Variants in XYLB observed in about 807,000 individuals in gnomAD.
The protein encoded by XYLB is xylulokinase.
XYLB carries 62 observed loss-of-function variants against 78.7 expected under a neutral mutation model. The observed-to-expected ratio is 0.79, with a 90% CI of 0.64 to 0.97. XYLB has a LOEUF of 0.97. XYLB is among the 50% of genes least tolerant of loss of function. The pLI, the probability that XYLB is intolerant of heterozygous loss-of-function variation, is 0.00. For synonymous variants in XYLB, 245 were observed against 247.4 expected (o/e 0.99, Z 0.09); for missense variants, 687 against 676.8 (o/e 1.02, Z -0.17).
At chr3:38,395,655 C>A (rs1250848340) in intron 16 of XYLB, 92 bp downstream of exon 16, 4 of 1,353,096 alleles carry the variant, frequency 3.0e-6, no homozygotes, top group Non-Finnish European at 4.2e-6. Flanking sequence ...AGCCTCCATT[C>A]CCACTCCTGC....
At chr3:38,352,941 C>T (rs886079443) in intron 2 of XYLB, among the ~76,000 whole-genome samples, 8 of 152,324 alleles carry the variant, frequency 5.3e-5, no homozygotes, top group African/African-American at 1.9e-4. Context: ...CCATGTTAGC[C>T]AGGATGGTCT....
chr3:38,378,585 G>A (rs1258932837), intron 14 of XYLB, among the ~76,000 whole-genome samples: 1 of 152,124 alleles, frequency 6.6e-6, no homozygotes, highest in Non-Finnish European at 1.5e-5. Flanking sequence ...AAGTACTCAG[G>A]ATCTCACCAT....
At chr3:38,421,070 CA>C (rs1344366107), downstream of XYLB, 16 of 152,232 alleles carry the variant, frequency 1.1e-4, no homozygotes, top group Admixed American at 6.5e-4. Context: ...AGCTAATCTA[CA>C]ATCTATAGAA....
At chr3:38,405,665 C>A (rs867880162) in intron 18 of XYLB, among the ~76,000 whole-genome samples, 1 of 152,242 alleles carries the variant, frequency 6.6e-6, no homozygotes, top group Non-Finnish European at 1.5e-5. Flanking sequence ...CCTGGAAAAT[C>A]GGGTCACTCT....
intron 18 of XYLB, 120 bp downstream of exon 18, chr3:38,401,105 G>C: frequency 1.2e-6 from 1 of 838,238 alleles, no homozygotes; most frequent in Non-Finnish European, 1.9e-6. Flanking sequence ...GAGAAATTCT[G>C]CTTTATTGAA....
At chr3:38,405,488 T>C (rs1399251852) in intron 18 of XYLB, among the ~76,000 whole-genome samples, 1 of 152,048 alleles carries the variant, frequency 6.6e-6, no homozygotes, top group African/African-American at 2.4e-5. Context: ...ATTTTCCATC[T>C]GAGGTACTGG....
Position 38,420,638 on chromosome 3 carries a change from C to A in XYLB, c.*581C>A, listed in dbSNP as rs1483615938. Among the ~76,000 whole-genome samples the A allele has an allele frequency of 3.9e-5, 6 of 152,162 alleles. 1 individual carries two copies. The highest frequency in any genetic ancestry group is 1.4e-4 in the African/African-American group (6 of 41,438). ...TTTGTGGAACTTTTAAGTGAAAACT[C>A]AATTTACATAAAAATATATGGCCCT... On this transcript the variant is annotated 3_prime_UTR_variant, in exon 18 of 18. Coordinates refer to the XYLB transcript ENST00000650590.
the XYLB span, among the ~76,000 whole-genome samples, chr3:38,431,086 G>C: frequency 6.6e-6 from 1 of 152,132 alleles, no homozygotes; most frequent in Non-Finnish European, 1.5e-5. Context: ...TTCCAATTCT[G>C]TGAAGAAAGT....
the XYLB span, among the ~76,000 whole-genome samples, chr3:38,443,849 T>C: frequency 1.3e-5 from 2 of 152,246 alleles, no homozygotes; most frequent in Non-Finnish European, 2.9e-5. Context: ...GTGGACATCA[T>C]TGAATAATTC....
At chr3:38,410,208 A>G (rs1211933216) in intron 18 of XYLB, among the ~76,000 whole-genome samples, 1 of 152,250 alleles carries the variant, frequency 6.6e-6, no homozygotes, top group Non-Finnish European at 1.5e-5. Context: ...GGAACAGAAC[A>G]GAGCCCTCAG....
the XYLB span, among the ~76,000 whole-genome samples, chr3:38,448,636 A>G: frequency 6.6e-6 from 1 of 152,158 alleles, no homozygotes. Context: ...TGAGTGTCAG[A>G]TTGATAGAAT....
chr3:38,425,289 G>A (rs1178569777), downstream of XYLB, among the ~76,000 whole-genome samples: 2 of 152,176 alleles, frequency 1.3e-5, no homozygotes, highest in South Asian at 2.1e-4. Context: ...AACAGACAAT[G>A]CTCCAGGCTA....
chr3:38,412,828 A>G, intron 18 of XYLB, 108 bp from the exon 19 acceptor site: 1 of 936,808 alleles, frequency 1.1e-6, no homozygotes, highest in Non-Finnish European at 1.6e-6. Flanking sequence ...CCAGAAAAAA[A>G]GTTAAATTGC....
chr3:38,408,679 C>G (rs1318845964), intron 18 of XYLB, among the ~76,000 whole-genome samples: 1 of 117,522 alleles, frequency 8.5e-6, no homozygotes, highest in South Asian at 3.1e-4. Flanking sequence ...ATCAAATAGA[C>G]GCAATAAAAA....
intron 15 of XYLB, among the ~76,000 whole-genome samples, chr3:38,385,057 G>A (rs750043528): frequency 7.9e-5 from 12 of 152,170 alleles, no homozygotes; most frequent in Non-Finnish European, 1.8e-4. Flanking sequence ...CTGGAGTGCA[G>A]TGGTACAATC....
Position 38,390,078 on chromosome 3 carries a change from GGTT to G in XYLB, c.1292-5417_1292-5415del, listed in dbSNP as rs201363177. The stretch of plus-strand genomic sequence containing the variant: ...GCTTCAAGCAAAAATATGATGCTCT[GGTT>G]GTTGTTGTTTATTCCATTCTGTCAT... On this transcript the variant is annotated intron_variant, in intron 15 of 18. Transcript: ENST00000207870. 5.6e-3 allele frequency among the ~76,000 whole-genome samples: 856 copies of G among 152,126 alleles called. 6 individuals carry two copies. Among genetic ancestry groups the G allele is most frequent in the African/African-American group, 0.019 (785 of 41,482 alleles).
intron 15 of XYLB, among the ~76,000 whole-genome samples, chr3:38,394,986 A>G (rs1158814748): frequency 6.6e-6 from 1 of 152,176 alleles, no homozygotes; most frequent in East Asian, 1.9e-4. Flanking sequence ...TGGAAGCCTC[A>G]ATGTCTTTTA....
At chr3:38,357,850 T>C (rs907667592) in intron 2 of XYLB, among the ~76,000 whole-genome samples, 3 of 146,702 alleles carry the variant, frequency 2.0e-5, no homozygotes, top group African/African-American at 7.5e-5. Context: ...TCTATTAAGA[T>C]CTTTTGCCCT....
intron 18 of XYLB, among the ~76,000 whole-genome samples, chr3:38,408,151 A>C (rs1429107614): frequency 1.3e-5 from 2 of 151,776 alleles, no homozygotes; most frequent in Non-Finnish European, 3.0e-5. Context: ...TCTCCTCAGC[A>C]AACGTAAAAG....
Sources: gnomAD v4.1 joint callset for allele counts (sites outside exome capture counted in the v4.1 genomes callset) on GRCh38, gnomAD v4.1.1 for gene constraint, MANE v1.5 for transcripts, NCBI Gene and HGNC (gene_info 2026-07-23, HGNC 2026-07-21) for gene names.